ST3GAL5: variants seen among roughly 807,000 people sequenced by gnomAD.
ST3GAL5 encodes ST3 beta-galactoside alpha-2,3-sialyltransferase 5, also known as lactosylceramide alpha-2,3-sialyltransferase.
ST3GAL5 carries 25 observed loss-of-function variants against 46.1 expected under a neutral mutation model. That is an observed-to-expected ratio of 0.54 (90% CI 0.40 to 0.76). ST3GAL5 has a LOEUF of 0.76. Ranked by LOEUF, ST3GAL5 falls within the 30% of genes least tolerant of loss-of-function variation. ST3GAL5 has a pLI of 0.00. For missense variants in ST3GAL5, 431 were observed against 521.2 expected (o/e 0.83, Z 1.69); for synonymous variants, 182 against 192.7 (o/e 0.94, Z 0.46).
At chr2:85,857,115 G>A (rs532633376) in intron 3 of ST3GAL5, among the ~76,000 whole-genome samples, 4 of 145,900 alleles carry the variant, frequency 2.7e-5, no homozygotes, top group Non-Finnish European at 4.5e-5. Context: ...GTATGGTGGT[G>A]CATGCTATAG....
intron 1 of ST3GAL5, among the ~76,000 whole-genome samples, chr2:85,872,344 G>A (rs1375798243): frequency 3.9e-5 from 6 of 152,046 alleles, no homozygotes; most frequent in African/African-American, 9.7e-5. Flanking sequence ...AACTGTCCAC[G>A]AGGCGAGGCA....
At chr2:85,846,178 TG>T in intron 5 of ST3GAL5, 198 bp downstream of exon 5, 1 of 579,514 alleles carries the variant, frequency 1.7e-6, no homozygotes, top group Non-Finnish European at 3.1e-6. Flanking sequence ...CCCTCTAGCC[TG>T]GACAACAGAA....
Position 85,869,239 on chromosome 2 carries a change from T to A in ST3GAL5, c.83-5754A>T, listed in dbSNP as rs191658866. On this transcript the variant is annotated intron_variant, in intron 1 of 6. Transcript: ENST00000638572. ...TATCTGTTTATTTGTAGAGATGGGGTCTCTCTCTGTTGCCCAGGCTGGTCC... is the reference window on the plus strand; with the variant it reads ...TATCTGTTTATTTGTAGAGATGGGGACTCTCTCTGTTGCCCAGGCTGGTCC... Among the ~76,000 whole-genome samples the A allele has an allele frequency of 8.6e-4, 131 of 152,172 alleles. 1 individual carries two copies. The East Asian group carries it at 0.019, about 22-fold the overall frequency.
At chr2:85,874,459 G>A (rs1233701532) in intron 1 of ST3GAL5, among the ~76,000 whole-genome samples, 5 of 152,016 alleles carry the variant, frequency 3.3e-5, no homozygotes, top group African/African-American at 9.7e-5. Context: ...AGGGGGCCTC[G>A]TGCTCGACTT....
chr2:85,872,552 C>T (rs542230801), intron 1 of ST3GAL5, among the ~76,000 whole-genome samples: 2 of 149,858 alleles, frequency 1.3e-5, no homozygotes, highest in African/African-American at 2.5e-5. Context: ...CACTGCACTG[C>T]AGCCTGGGCA....
intron 2 of ST3GAL5, among the ~76,000 whole-genome samples, chr2:85,861,661 AAAGAAAAG>A (rs1000350563): frequency 3.6e-5 from 5 of 137,602 alleles, no homozygotes; most frequent in African/African-American, 1.4e-4. Flanking sequence ...AAAAAAAAAA[AAAGAAAAG>A]AAAAGAAACA....
intron 3 of ST3GAL5, chr2:85,856,028 C>T (rs1324440333): frequency 1.3e-5 from 2 of 152,214 alleles, no homozygotes; most frequent in Non-Finnish European, 2.9e-5. Context: ...TTTTGGAAAA[C>T]AGCTTGGCAG....
intron 1 of ST3GAL5, among the ~76,000 whole-genome samples, chr2:85,872,428 C>G (rs1370876653): frequency 6.6e-6 from 1 of 151,990 alleles, no homozygotes; most frequent in Non-Finnish European, 1.5e-5. Flanking sequence ...ACTAAAAATA[C>G]AAAAATTAGC....
chr2:85,846,771 A>G (rs1437625673), intron 4 of ST3GAL5: 1 of 563,582 alleles, frequency 1.8e-6, no homozygotes, highest in Non-Finnish European at 3.2e-6. Flanking sequence ...CTTGTATCTA[A>G]TCCCTGAATG....
intron 1 of ST3GAL5, chr2:85,888,571 A>G (rs1163201661): frequency 3.8e-6 from 1 of 263,122 alleles, no homozygotes; most frequent in Non-Finnish European, 7.1e-6. Flanking sequence ...GGGACCCGAC[A>G]CCCGGCGGTC....
rs550533604 is a variant in ST3GAL5, at chr2:85,851,552, CATT to C, written c.319-3351_319-3349del. On this transcript the variant is annotated intron_variant, in intron 3 of 6. Transcript: ENST00000638572. Reference sequence around the variant, plus strand: ...GCTTCAATGGTGCACAACCAGACATCATTGTCTTGGGGGCTTCCTCAGAGCTTG... The same window carrying C: ...GCTTCAATGGTGCACAACCAGACATCGTCTTGGGGGCTTCCTCAGAGCTTG... The C allele has an allele frequency of 3.4e-3, 4,445 of 1,289,400 alleles. 12 individuals are homozygous for C. Among genetic ancestry groups the C allele is most frequent in the Non-Finnish European group, 3.9e-3 (3,888 of 988,870 alleles). The allele number at this position is 1,289,400 out of a possible 1,614,324, so 79.9% of individuals were successfully genotyped here.
intron 4 of ST3GAL5, 72 bp downstream of exon 4, chr2:85,847,789 C>T: frequency 1.9e-6 from 3 of 1,543,812 alleles, no homozygotes; most frequent in African/African-American, 1.4e-5. Context: ...GAGTGAGACC[C>T]TGCCTCAAAA....
chr2:85,883,729 C>A (rs1018518516), intron 1 of ST3GAL5, among the ~76,000 whole-genome samples: 1 of 152,190 alleles, frequency 6.6e-6, no homozygotes, highest in African/African-American at 2.4e-5. Context: ...GCAGTCCATG[C>A]CACAGGGGGC....
chr2:85,888,455 C>T (rs1269881653), intron 1 of ST3GAL5: 1 of 163,150 alleles, frequency 6.1e-6, no homozygotes, highest in African/African-American at 2.4e-5. Flanking sequence ...TCCCTAAGCC[C>T]ATCCCAGGAA....
intron 6 of ST3GAL5, among the ~76,000 whole-genome samples, chr2:85,840,974 C>G (rs1681993636): frequency 7.7e-6 from 1 of 129,834 alleles, no homozygotes; most frequent in South Asian, 2.9e-4. Context: ...AAAGGCATTC[C>G]TTCTAAAATG....
Position 85,837,369 on chromosome 2 carries a change from G to A in ST3GAL5, c.*2775C>T, listed in dbSNP as rs1681596378. 1 of 152,186 alleles carries A rather than the reference G, an allele frequency of 6.6e-6. No homozygotes were observed. 9.4% of individuals were successfully genotyped at this position (152,186 alleles called of 1,614,324 possible). ...AAATATCACATGTTCTCATTCCTAT[G>A]TAGGAGCTAAAAAAGTGGATCTCAT... On this transcript the variant is annotated 3_prime_UTR_variant, in exon 7 of 7. Coordinates refer to ENST00000638572, the MANE Select transcript of ST3GAL5 (RefSeq NM_003896.4).
intron 1 of ST3GAL5, chr2:85,888,088 C>T (rs1168021993): frequency 1.3e-5 from 2 of 152,138 alleles, no homozygotes; most frequent in Non-Finnish European, 2.9e-5. Flanking sequence ...GGACCTCGGC[C>T]ATCGGCAGGG....
At chr2:85,857,536 CAAAAAAAA>C (rs369873432) in intron 3 of ST3GAL5, among the ~76,000 whole-genome samples, 1 of 73,386 alleles carries the variant, frequency 1.4e-5, no homozygotes, top group African/African-American at 5.3e-5. Context: ...GACTCCGTCT[CAAAAAAAA>C]AAAAAAAAAA....
At chr2:85,875,694 A>G (rs1686468352) in intron 1 of ST3GAL5, 1 of 152,260 alleles carries the variant, frequency 6.6e-6, no homozygotes, top group Non-Finnish European at 1.5e-5. Context: ...GAGTGGGGGA[A>G]CACTGGGGCG....
Sources: allele counts gnomAD v4.1 joint callset (sites outside exome capture counted in the v4.1 genomes callset), GRCh38; gene constraint gnomAD v4.1.1; transcripts MANE v1.5; gene names NCBI Gene and HGNC (gene_info 2026-07-23, HGNC 2026-07-21).